Variants in NRCAM observed in about 807,000 individuals in gnomAD.
NRCAM encodes neuronal cell adhesion molecule.
NRCAM carries 83 observed loss-of-function variants against 156.5 expected under a neutral mutation model. That is an observed-to-expected ratio of 0.53 (90% CI 0.44 to 0.64). NRCAM has a LOEUF of 0.64. Among genes scored for constraint, NRCAM ranks in the 30% least tolerant of loss-of-function variants. The probability of loss-of-function intolerance (pLI) is 0.00; values close to 1 mark genes in which losing one functional copy is unlikely to be tolerated. For missense variants in NRCAM, 1,417 were observed against 1,597.3 expected (o/e 0.89, Z 1.92); for synonymous variants, 538 against 563.9 (o/e 0.95, Z 0.65).
At chr7:108,278,651 T>C (rs2097739999) in intron 3 of NRCAM, among the ~76,000 whole-genome samples, 1 of 152,202 alleles carries the variant, frequency 6.6e-6, no homozygotes, top group African/African-American at 2.4e-5. Flanking sequence ...TTCCTCCAGA[T>C]ACAGTCACTC....
chr7:108,449,029 T>C (rs1847525853), intron 1 of NRCAM, among the ~76,000 whole-genome samples: 1 of 152,300 alleles, frequency 6.6e-6, no homozygotes, highest in South Asian at 2.1e-4. Context: ...GGGGAACAAG[T>C]GCATCTGAGT....
At chr7:108,162,521 C>T (rs2049821410) in intron 30 of NRCAM, among the ~76,000 whole-genome samples, 1 of 152,064 alleles carries the variant, frequency 6.6e-6, no homozygotes. Context: ...TTAAATGCAA[C>T]TAAAAAGGGA....
At chr7:108,284,482 C>G (rs1160866700) in intron 3 of NRCAM, among the ~76,000 whole-genome samples, 3 of 152,198 alleles carry the variant, frequency 2.0e-5, no homozygotes, top group Admixed American at 6.5e-5. Flanking sequence ...ACCTTAATCA[C>G]ATGACTCCTC....
In NRCAM at chr7:108,166,942, C is replaced by T; in HGVS notation, c.3445G>A (p.Asp1149Asn). 2 of 1,613,856 alleles carry T rather than the reference C, an allele frequency of 1.2e-6. No individual in the cohort carries two copies. The highest frequency in any genetic ancestry group is 1.1e-5 in the South Asian group (1 of 91,052). ...TCACCTGGGCCTGTCTCAAACACAT[C>T]CTCTGAACTCACAAAACCAGAGTCC... ...VGDSGFVSSE[D>N]VFETGPAMAS... is the part of the protein sequence containing the mutation. Residue 1149 changes from aspartate (D) to asparagine (N), a missense_variant, in exon 30 of 33, where the codon GAT becomes AAT. Physicochemically the swap from Asp to Asn is conservative, Grantham distance 23. This residue lies in a region of NRCAM where 179 missense variants were observed against 260.9 expected (regional missense o/e 0.69). Coordinates refer to ENST00000379028, the MANE Select transcript of NRCAM (RefSeq NM_001037132.4).
chr7:108,343,892 CCTT>C lies in NRCAM; in HGVS notation c.-173-31164_-173-31162del, dbSNP rs567633065. Among the ~76,000 whole-genome samples the C allele has an allele frequency of 1.1e-3, 172 of 152,286 alleles. 1 individual carries two copies. Among genetic ancestry groups the C allele is most frequent in the African/African-American group, 3.8e-3 (159 of 41,558 alleles). On this transcript the variant is annotated intron_variant, in intron 2 of 32. Transcript: ENST00000379028. ...ATTTCAATCCCTGTATCTTTAACCT[CCTT>C]GTTAAGTTTGTCTGTTCCAGAATCA...
rs1010411829 is a variant in NRCAM, at chr7:108,173,217, C to T, written c.3187+2105G>A. 2.6e-5 allele frequency among the ~76,000 whole-genome samples: 4 copies of T among 151,946 alleles called. No individual in the cohort carries two copies. The South Asian group carries it at 8.3e-4, about 32-fold the overall frequency. On this transcript the variant is annotated intron_variant, in intron 28 of 32. Coordinates refer to ENST00000379028, the MANE Select transcript of NRCAM (RefSeq NM_001037132.4). ...GCCAGGCTGGTCTTGAACTCCTGAC[C>T]TCACGTGATCTGCCCGCCTCAGCCT... is the stretch of plus-strand genomic sequence containing the variant.
chr7:108,377,856 G>GAAAT (rs1224563866), intron 2 of NRCAM, among the ~76,000 whole-genome samples: 1 of 152,080 alleles, frequency 6.6e-6, no homozygotes, highest in African/African-American at 2.4e-5. Context: ...AACTAAAAGG[G>GAAAT]AAATATCAGA....
At chr7:108,283,107 A>G (rs963682333) in intron 3 of NRCAM, among the ~76,000 whole-genome samples, 6 of 152,182 alleles carry the variant, frequency 3.9e-5, no homozygotes, top group African/African-American at 1.4e-4. Context: ...TGAACAAACA[A>G]TGTAAGAATG....
intron 13 of NRCAM, among the ~76,000 whole-genome samples, chr7:108,203,878 A>G (rs1223724306): frequency 6.6e-6 from 1 of 152,200 alleles, no homozygotes; most frequent in Non-Finnish European, 1.5e-5. Flanking sequence ...TTGTGCTCCC[A>G]GCTCACTTCT....
chr7:108,240,572 G>A (rs1173591561), intron 3 of NRCAM, among the ~76,000 whole-genome samples: 1 of 152,194 alleles, frequency 6.6e-6, no homozygotes, highest in Admixed American at 6.5e-5. Flanking sequence ...CTCTGGGAAA[G>A]TTCAGGGGAT....
intron 3 of NRCAM, among the ~76,000 whole-genome samples, chr7:108,265,608 TAGTC>T (rs1232431408): frequency 6.6e-6 from 1 of 152,248 alleles, no homozygotes; most frequent in African/African-American, 2.4e-5. Context: ...CCTATTATAA[TAGTC>T]AATACATATT....
chr7:108,242,622 G>A lies in NRCAM; in HGVS notation c.-106-2452C>T, dbSNP rs17330717. 6.9e-3 allele frequency among the ~76,000 whole-genome samples: 1,046 copies of A among 152,204 alleles called. 2 individuals carry two copies. Among genetic ancestry groups the A allele is most frequent in the Non-Finnish European group, 0.012 (810 of 68,022 alleles). On this transcript the variant is annotated intron_variant, in intron 3 of 32. Coordinates refer to ENST00000379028, the MANE Select transcript of NRCAM (RefSeq NM_001037132.4). Reference sequence around the variant, plus strand: ...GTCACAAATAGCATTGAAAACATGCGGATCTTACATATTATACATATTGAG... The same window carrying A: ...GTCACAAATAGCATTGAAAACATGCAGATCTTACATATTATACATATTGAG...
intron 3 of NRCAM, among the ~76,000 whole-genome samples, chr7:108,281,845 T>C (rs1477849392): frequency 6.6e-6 from 1 of 152,184 alleles, no homozygotes; most frequent in Admixed American, 6.5e-5. Flanking sequence ...ATAACCAAAC[T>C]GGGAGTGTTT....
At chr7:108,209,077 G>T (rs2082682177) in intron 12 of NRCAM, among the ~76,000 whole-genome samples, 1 of 152,140 alleles carries the variant, frequency 6.6e-6, no homozygotes, top group East Asian at 1.9e-4. Flanking sequence ...TTGAAGCTAT[G>T]CAAATATCCT....
At chr7:108,401,818 G>A (rs1178774583) in intron 1 of NRCAM, among the ~76,000 whole-genome samples, 1 of 152,176 alleles carries the variant, frequency 6.6e-6, no homozygotes, top group Non-Finnish European at 1.5e-5. Context: ...CAGGCTGGAG[G>A]CAAGGCTGCT....
chr7:108,180,606 T>C (rs1162490501), intron 24 of NRCAM, among the ~76,000 whole-genome samples, 179 bp from the exon 25 acceptor site: 4 of 152,180 alleles, frequency 2.6e-5, no homozygotes. Flanking sequence ...CCATAGATCA[T>C]GAGGGAAATT....
intron 2 of NRCAM, among the ~76,000 whole-genome samples, chr7:108,349,296 T>C (rs1016040989): frequency 4.7e-5 from 7 of 149,480 alleles, no homozygotes; most frequent in Non-Finnish European, 7.4e-5. Flanking sequence ...TGAGACGGAG[T>C]CTCACTTTGT....
chr7:108,200,784 ACT>A (rs1221701445), intron 13 of NRCAM, among the ~76,000 whole-genome samples: 3 of 136,700 alleles, frequency 2.2e-5, no homozygotes, highest in Non-Finnish European at 4.8e-5. Flanking sequence ...ACACACACAC[ACT>A]ATGAAATACT....
chr7:108,304,603 G>A (rs1369902954), intron 3 of NRCAM, among the ~76,000 whole-genome samples: 2 of 152,012 alleles, frequency 1.3e-5, no homozygotes, highest in Non-Finnish European at 2.9e-5. Flanking sequence ...CCATAAATTA[G>A]TATCTTATTT....
Sources: gnomAD v4.1 joint callset for allele counts (sites outside exome capture counted in the v4.1 genomes callset) on GRCh38, gnomAD v4.1.1 for gene constraint, gnomAD v4.1.1 regional missense constraint, MANE v1.5 for transcripts, NCBI Gene and HGNC (gene_info 2026-07-23, HGNC 2026-07-21) for gene names.